The following FAM216A variants were observed in gnomAD, a reference collection of about 807,000 sequenced individuals.
The protein encoded by FAM216A is protein FAM216A.
A neutral mutation model predicts 37.6 loss-of-function variants in FAM216A; 26 were observed. The observed-to-expected ratio is 0.69, with a 90% CI of 0.51 to 0.96. FAM216A has a LOEUF of 0.96. FAM216A is among the 40% of genes least tolerant of loss of function. The probability of loss-of-function intolerance (pLI) is 0.00; values close to 1 mark genes in which losing one functional copy is unlikely to be tolerated. For synonymous variants in FAM216A, 110 were observed against 121.7 expected, an observed-to-expected ratio of 0.90 and a Z score of 0.64; for missense variants, 326 against 339.3, an observed-to-expected ratio of 0.96 and a Z score of 0.31.
At chr12:110,469,056 G>GGGCCCCCGGGTCGTGA in intron 1 of FAM216A, 38 bp downstream of exon 1, 2 of 1,395,614 alleles carry the variant, frequency 1.4e-6, no homozygotes, top group East Asian at 2.9e-5. Flanking sequence ...TGGCAGCATG[G>GGGCCCCCGGGTCGTGA]GGCCCCCGGG....
chr12:110,479,050 G>A (rs754940251), intron 2 of FAM216A, among the ~76,000 whole-genome samples: 8 of 151,992 alleles, frequency 5.3e-5, no homozygotes, highest in Non-Finnish European at 7.4e-5. Context: ...TTAGCCGGGC[G>A]TCGTGGCTGG....
chr12:110,489,573 C>T (rs549957773), intron 6 of FAM216A, among the ~76,000 whole-genome samples: 6 of 151,482 alleles, frequency 4.0e-5, no homozygotes, highest in African/African-American at 1.5e-4. Flanking sequence ...CTGTAAATAT[C>T]GTACCATGCC....
chr12:110,484,382 G>C (rs1302539886), intron 2 of FAM216A, among the ~76,000 whole-genome samples: 5 of 121,780 alleles, frequency 4.1e-5, no homozygotes, highest in African/African-American at 1.6e-4. Context: ...AGCTGAGATC[G>C]CGCTACTGCA....
chr12:110,481,224 T>TGAG (rs1289038630), intron 2 of FAM216A, among the ~76,000 whole-genome samples: 4 of 152,234 alleles, frequency 2.6e-5, no homozygotes, highest in African/African-American at 9.6e-5. Flanking sequence ...AATGCTGCTA[T>TGAG]GAGCATGGAT....
At chr12:110,474,754 C>T (rs1415079093) in intron 2 of FAM216A, among the ~76,000 whole-genome samples, 3 of 142,974 alleles carry the variant, frequency 2.1e-5, no homozygotes, top group African/African-American at 7.8e-5. Flanking sequence ...GTAATCCCAG[C>T]ACTTTGGGAG....
Position 110,488,085 on chromosome 12 carries a change from A to G in FAM216A, c.703+142A>G, listed in dbSNP as rs537919406. On this transcript the variant is annotated intron_variant, in intron 6 of 6. Coordinates refer to ENST00000377673, the MANE Select transcript of FAM216A (RefSeq NM_013300.3). ...TTTTATTGTCACAAATAAAAAACCA[A>G]ACATAAAATATAGTTTATGCTTGCA... The G allele has an allele frequency of 2.9e-5, 18 of 622,994 alleles. No homozygotes were observed. The East Asian group carries it at 5.2e-4, about 18-fold the overall frequency. 38.6% of individuals were successfully genotyped at this position (622,994 alleles called of 1,614,324 possible). A position where few individuals can be genotyped will look rare whatever the true frequency, so the allele number is the denominator to read the frequency against.
rs771201058 is a variant in FAM216A, at chr12:110,487,869, C to T, written c.629C>T (p.Thr210Ile). 1.5e-5 allele frequency: 24 copies of T among 1,594,050 alleles called. 1 individual carries two copies. The Middle Eastern group carries it at 3.5e-3, about 232-fold the overall frequency. ...RPVRNKEGIK[T>I]GYASKTRCKS... The stretch of plus-strand genomic sequence containing the variant: ...ACTTCCCTTTCTTATAGGATAAAAA[C>T]TGGATATGCATCTAAAACAAGATGT... The change falls in exon 6 of 7, where the codon ACT becomes ATT. Residue 210 changes from threonine to isoleucine, a missense_variant. Thr to Ile is a moderately conservative substitution (Grantham distance 89). Coordinates refer to ENST00000377673, the MANE Select transcript of FAM216A (RefSeq NM_013300.3).
chr12:110,481,050 C>T (rs1265210352), intron 2 of FAM216A, among the ~76,000 whole-genome samples: 3 of 152,140 alleles, frequency 2.0e-5, no homozygotes, highest in Non-Finnish European at 4.4e-5. Context: ...GCTTATTTCA[C>T]TTAGCATGTC....
At chr12:110,484,426 CAAAAAAAAAAA>C (rs61648841) in intron 2 of FAM216A, among the ~76,000 whole-genome samples, 3 of 51,258 alleles carry the variant, frequency 5.9e-5, no homozygotes, top group South Asian at 1.1e-3. Flanking sequence ...GACTCCGTCT[CAAAAAAAAAAA>C]AAAAAAAAAA....
Position 110,485,167 on chromosome 12 carries a change from T to C in FAM216A, c.274T>C (p.Ser92Pro), listed in dbSNP as rs751865123. ...KTPQNQTIHL[S>P]KSMMEASFFK... is the part of the protein sequence containing the mutation. Reference sequence around the variant, plus strand: ...TCCCCAAAATCAAACAATCCACCTCTCTAAATCAATGATGGAGGCGTCCTT... The same window carrying C: ...TCCCCAAAATCAAACAATCCACCTCCCTAAATCAATGATGGAGGCGTCCTT... Residue 92 changes from serine to proline, a missense_variant, in exon 3 of 7, where the codon TCT (serine) becomes CCT (proline). By Grantham distance (74) the Ser-to-Pro change is moderately conservative. Coordinates refer to ENST00000377673, the MANE Select transcript of FAM216A (RefSeq NM_013300.3). The C allele has an allele frequency of 1.2e-6, 2 of 1,612,366 alleles. No homozygotes were observed. The highest frequency in any genetic ancestry group is 3.4e-5 in the Admixed American group (2 of 59,456).
rs750890194 is a variant in FAM216A, at chr12:110,486,435, G to C, written c.417G>C (p.Gln139His). 1.6e-5 allele frequency: 26 copies of C among 1,612,692 alleles called. No homozygotes were observed. In the South Asian group the frequency reaches 2.7e-4, roughly 17 times the overall value. The change falls in exon 4 of 7, where the codon CAG (glutamine) becomes CAC (histidine). Residue 139 changes from glutamine to histidine, a missense_variant. By Grantham distance (24) the Gln-to-His change is conservative. Coordinates refer to ENST00000377673, the MANE Select transcript of FAM216A (RefSeq NM_013300.3). The part of the protein sequence containing the change: ...LMKRQYMHVL[Q>H]HSSQKPGVLT... ...AGAGGCAGTACATGCACGTACTTCAGCACAGCTCACAAAAGCCAGGCAGGT... is the reference window on the plus strand; with the variant it reads ...AGAGGCAGTACATGCACGTACTTCACCACAGCTCACAAAAGCCAGGCAGGT...
intron 2 of FAM216A, among the ~76,000 whole-genome samples, chr12:110,474,345 A>G (rs2062703657): frequency 6.6e-6 from 1 of 152,114 alleles, no homozygotes; most frequent in African/African-American, 2.4e-5. Flanking sequence ...TTCTAAACAA[A>G]TATATGCCTA....
chr12:110,484,261 A>AC (rs1241402750), intron 2 of FAM216A, among the ~76,000 whole-genome samples: 34 of 151,824 alleles, frequency 2.2e-4, no homozygotes, highest in Non-Finnish European at 7.4e-5. Flanking sequence ...CCCCATCTCT[A>AC]CTAAAAATAC....
intron 2 of FAM216A, among the ~76,000 whole-genome samples, chr12:110,482,982 T>C (rs868854207): frequency 2.0e-5 from 3 of 151,906 alleles, no homozygotes; most frequent in African/African-American, 7.3e-5. Flanking sequence ...ACATCAGTGG[T>C]TGCCTGGAGA....
chr12:110,485,673 C>T (rs2062773311), intron 3 of FAM216A, among the ~76,000 whole-genome samples: 2 of 152,122 alleles, frequency 1.3e-5, no homozygotes, highest in Non-Finnish European at 2.9e-5. Context: ...CATTAACGAT[C>T]GTAACTGCTA....
intron 1 of FAM216A, among the ~76,000 whole-genome samples, chr12:110,472,546 G>A (rs923088753): frequency 1.3e-5 from 2 of 151,968 alleles, no homozygotes; most frequent in African/African-American, 2.4e-5. Context: ...GTGAAGGAGG[G>A]AGACCCCATC....
chr12:110,490,293 TC>T lies in FAM216A; in HGVS notation c.*158del. On this transcript the variant is annotated 3_prime_UTR_variant, in exon 7 of 7. Coordinates refer to ENST00000377673, the MANE Select transcript of FAM216A (RefSeq NM_013300.3). The stretch of plus-strand genomic sequence containing the variant: ...AACAATGTAATTGGTCTGATGTAGT[TC>T]CATGTACCAATGATAGTTATGTAAG... 1.5e-6 allele frequency: 1 copy of T among 651,568 alleles called. No homozygotes were observed. The allele number at this position is 651,568 out of a possible 1,614,324, so 40.4% of individuals were successfully genotyped here.
intron 2 of FAM216A, among the ~76,000 whole-genome samples, chr12:110,479,193 T>C (rs1273112720): frequency 6.6e-6 from 1 of 151,290 alleles, no homozygotes; most frequent in Non-Finnish European, 1.5e-5. Flanking sequence ...ATATTTAAAG[T>C]AGAGAAGAGT....
chr12:110,479,277 A>G (rs2062732841), intron 2 of FAM216A, among the ~76,000 whole-genome samples: 1 of 152,076 alleles, frequency 6.6e-6, no homozygotes, highest in African/African-American at 2.4e-5. Context: ...ACTTTCTCCG[A>G]GGACAGTGCT....
Sources: gnomAD v4.1 joint callset for allele counts (sites outside exome capture counted in the v4.1 genomes callset) on GRCh38, gnomAD v4.1.1 for gene constraint, MANE v1.5 for transcripts, NCBI Gene and HGNC (gene_info 2026-07-23, HGNC 2026-07-21) for gene names.